CRLF3: variants seen among roughly 807,000 people sequenced by gnomAD.
CRLF3 encodes the protein cytokine receptor-like factor 3.
Under a neutral mutation model 55.0 loss-of-function variants are expected in CRLF3, and 33 were observed. The ratio of observed to expected loss-of-function variants is 0.60; its 90% CI spans 0.46 to 0.80. CRLF3 has a LOEUF of 0.80. Ranked by LOEUF, CRLF3 falls within the 30% of genes least tolerant of loss-of-function variation. The pLI is 0.00. For synonymous variants in CRLF3, 238 were observed against 196.8 expected, an observed-to-expected ratio of 1.21 and a Z score of -1.75; for missense variants, 494 against 538.4, an observed-to-expected ratio of 0.92 and a Z score of 0.82.
At chr17:30,787,062 C>T (rs573445874) in intron 6 of CRLF3, among the ~76,000 whole-genome samples, 1 of 152,302 alleles carries the variant, frequency 6.6e-6, no homozygotes, top group African/African-American at 2.4e-5. Context: ...CTTGGAACTC[C>T]TGACCTCAGG....
chr17:30,803,702 G>T (rs1158728207), intron 2 of CRLF3, 199 bp downstream of exon 2: 1 of 585,354 alleles, frequency 1.7e-6, no homozygotes, highest in East Asian at 2.9e-5. Flanking sequence ...CTTTCGCTTG[G>T]CTCTCATTCT....
intron 1 of CRLF3, among the ~76,000 whole-genome samples, chr17:30,812,539 GAA>G (rs147073689): frequency 6.6e-6 from 1 of 151,564 alleles, no homozygotes; most frequent in Non-Finnish European, 1.5e-5. Context: ...GACTTTTTTA[GAA>G]AAAAAAGTGC....
At position 30,789,982 on chromosome 17, in the gene CRLF3, A is replaced by G. The variant is rs141854671; in HGVS notation, c.959+2458T>C. On this transcript the variant is annotated intron_variant, in intron 6 of 7. Coordinates refer to ENST00000324238, the MANE Select transcript of CRLF3 (RefSeq NM_015986.4). Reference sequence around the variant, plus strand: ...CCTGGGGAATAGTTAAATAGATTTTAGGTATTAGTTGTTTTTTTTTTTCCT... The same window carrying G: ...CCTGGGGAATAGTTAAATAGATTTTGGGTATTAGTTGTTTTTTTTTTTCCT... 5.4e-4 allele frequency among the ~76,000 whole-genome samples: 82 copies of G among 152,124 alleles called. No individual in the cohort carries two copies. In the East Asian group the frequency reaches 0.014, roughly 26 times the overall value.
intron 1 of CRLF3, among the ~76,000 whole-genome samples, chr17:30,821,380 G>A (rs1904994789): frequency 6.7e-6 from 1 of 150,228 alleles, no homozygotes. Flanking sequence ...AGTATGCCAA[G>A]AGTTTCTGAA....
chr17:30,793,390 C>G, intron 5 of CRLF3, 60 bp downstream of exon 5: 1 of 1,317,962 alleles, frequency 7.6e-7, no homozygotes, highest in South Asian at 1.2e-5. Context: ...GCCCTTAGCA[C>G]AGAATACAGG....
intron 1 of CRLF3, among the ~76,000 whole-genome samples, chr17:30,807,436 A>G (rs932068305): frequency 6.6e-6 from 1 of 151,952 alleles, no homozygotes; most frequent in Non-Finnish European, 1.5e-5. Flanking sequence ...AAAAACAAAA[A>G]ATGCCCATGC....
intron 2 of CRLF3, among the ~76,000 whole-genome samples, chr17:30,803,209 A>G (rs1972033925): frequency 6.6e-6 from 1 of 151,976 alleles, no homozygotes; most frequent in South Asian, 2.1e-4. Context: ...TGACTGTAAC[A>G]CAGAAGATAA....
At chr17:30,815,768 T>C (rs1391642643) in intron 1 of CRLF3, among the ~76,000 whole-genome samples, 3 of 149,148 alleles carry the variant, frequency 2.0e-5, no homozygotes, top group East Asian at 4.2e-4. Flanking sequence ...GGTCTCGAAC[T>C]CCTGACCTCA....
At chr17:30,788,127 G>A (rs543987603) in intron 6 of CRLF3, among the ~76,000 whole-genome samples, 10 of 151,940 alleles carry the variant, frequency 6.6e-5, no homozygotes, top group East Asian at 5.8e-4. Context: ...AGGAGATTGA[G>A]ACCATCCTGG....
intron 2 of CRLF3, among the ~76,000 whole-genome samples, chr17:30,797,762 C>A (rs928486831): frequency 2.0e-5 from 3 of 146,760 alleles, no homozygotes; most frequent in African/African-American, 7.7e-5. Flanking sequence ...AGAGGTGCAA[C>A]AGGGGATAGG....
At chr17:30,784,508 T>C (rs1971589818) in intron 7 of CRLF3, 65 bp from the exon 8 acceptor site, 1 of 1,368,880 alleles carries the variant, frequency 7.3e-7, no homozygotes, top group African/African-American at 1.4e-5. Flanking sequence ...AAATAGTTTC[T>C]AGATTACTGG....
chr17:30,794,770 G>T (rs571857029), intron 4 of CRLF3, among the ~76,000 whole-genome samples: 1 of 152,080 alleles, frequency 6.6e-6, no homozygotes, highest in Admixed American at 6.6e-5. Flanking sequence ...CTCCAGCCTG[G>T]GTGACAGAGT....
intron 2 of CRLF3, among the ~76,000 whole-genome samples, 167 bp from the exon 3 acceptor site, chr17:30,797,565 C>A (rs1471463555): frequency 6.6e-6 from 1 of 152,086 alleles, no homozygotes; most frequent in African/African-American, 2.4e-5. Flanking sequence ...AGACGTGACT[C>A]TAAGATCAAA....
At chr17:30,789,900 T>G (rs1971749624) in intron 6 of CRLF3, among the ~76,000 whole-genome samples, 1 of 152,174 alleles carries the variant, frequency 6.6e-6, no homozygotes, top group Non-Finnish European at 1.5e-5. Context: ...GAAGTGCTTC[T>G]GTAAACAAGG....
rs754880133 is a variant in CRLF3 at position 30,785,901 on chromosome 17, C to T, written c.1072+18G>A. The T allele has an allele frequency of 3.8e-5, 46 of 1,222,526 alleles. No homozygotes were observed. The highest frequency in any genetic ancestry group is 5.1e-5 in the Non-Finnish European group (42 of 829,716). The allele number at this position is 1,222,526 out of a possible 1,614,324, so 75.7% of individuals were successfully genotyped here. A position where few individuals can be genotyped will look rare whatever the true frequency, so the allele number is the denominator to read the frequency against. Reference sequence around the variant, plus strand: ...AATTAATATATTTCCAAGAGAATGACAGTTATTTATCTCTTACCATTTGTA... The same window carrying T: ...AATTAATATATTTCCAAGAGAATGATAGTTATTTATCTCTTACCATTTGTA... On this transcript the variant is annotated intron_variant, in intron 7 of 7. Transcript: ENST00000324238.
chr17:30,814,489 T>C (rs1184556459), intron 1 of CRLF3, among the ~76,000 whole-genome samples: 2 of 151,662 alleles, frequency 1.3e-5, no homozygotes, highest in African/African-American at 4.8e-5. Flanking sequence ...ACCCTGTCTC[T>C]ACTAAAAATA....
chr17:30,792,756 T>G (rs563403886), intron 5 of CRLF3, 184 bp from the exon 6 acceptor site: 2 of 486,378 alleles, frequency 4.1e-6, no homozygotes, highest in South Asian at 8.1e-5. Flanking sequence ...AAGATTTTAG[T>G]ATATTCCTGC....
intron 2 of CRLF3, chr17:30,800,995 T>TG (rs1402824426): frequency 6.6e-6 from 1 of 152,280 alleles, no homozygotes; most frequent in African/African-American, 2.4e-5. Context: ...AGGATGGTCT[T>TG]GATCTCTTGA....
At chr17:30,792,381 T>C in intron 6 of CRLF3, 59 bp downstream of exon 6, 7 of 1,489,256 alleles carry the variant, frequency 4.7e-6, no homozygotes, top group Non-Finnish European at 5.6e-6. Flanking sequence ...AGCTTATGTA[T>C]GCTCTATGCA....
Sources: allele counts gnomAD v4.1 joint callset (sites outside exome capture counted in the v4.1 genomes callset), GRCh38; gene constraint gnomAD v4.1.1; transcripts MANE v1.5; gene names NCBI Gene and HGNC (gene_info 2026-07-23, HGNC 2026-07-21).